Variants in IMPG1 observed in about 807,000 individuals in gnomAD.
IMPG1 encodes interphotoreceptor matrix proteoglycan of 150 kDa.
IMPG1 carries 85 observed loss-of-function variants against 92.0 expected under a neutral mutation model. The ratio of observed to expected loss-of-function variants is 0.92; its 90% CI spans 0.78 to 1.11. IMPG1 has a LOEUF of 1.11. Ranked by LOEUF, IMPG1 falls within the 50% of genes least tolerant of loss-of-function variation. The pLI is 0.00. For missense variants in IMPG1, 1,022 were observed against 956.0 expected, an observed-to-expected ratio of 1.07 and a Z score of -0.91; for synonymous variants, 367 against 334.1, an observed-to-expected ratio of 1.10 and a Z score of -1.08.
chr6:76,041,292 T>C (rs1783834410), intron 2 of IMPG1, among the ~76,000 whole-genome samples: 1 of 152,212 alleles, frequency 6.6e-6, no homozygotes, highest in Non-Finnish European at 1.5e-5. Flanking sequence ...GGGTAAAAAG[T>C]GGACTGTGAC....
intron 4 of IMPG1, among the ~76,000 whole-genome samples, chr6:76,029,376 A>G (rs1287947347): frequency 1.3e-5 from 2 of 152,274 alleles, no homozygotes; most frequent in Non-Finnish European, 2.9e-5. Context: ...CTTTATGCAA[A>G]TAATTAGGCC....
chr6:75,991,056 G>T (rs1782805596), intron 12 of IMPG1, among the ~76,000 whole-genome samples: 1 of 152,072 alleles, frequency 6.6e-6, no homozygotes, highest in Admixed American at 6.5e-5. Context: ...GTCTGTGGTT[G>T]GTTATTCTCT....
In IMPG1 at chr6:75,950,938, G is replaced by T; in HGVS notation, c.1448C>A (p.Thr483Asn). 1 of 1,613,992 alleles carries T rather than the reference G, an allele frequency of 6.2e-7. No homozygotes were observed. The highest frequency in any genetic ancestry group is 8.5e-7 in the Non-Finnish European group (1 of 1,179,958). ...TTGGCTGATTGCAGAATAATCACTG[G>T]TGGGGATGGTGAGCCCTGGTACTAG... The part of the protein sequence containing the change: ...TMLVPGLTIP[T>N]SDYSAISQLA... Residue 483 changes from threonine to asparagine, a missense_variant, in exon 13 of 17, where the codon ACC becomes AAC. By Grantham distance (65) the Thr-to-Asn change is moderately conservative. Transcript: ENST00000369950.
At chr6:76,029,929 G>A (rs1190965149) in intron 4 of IMPG1, among the ~76,000 whole-genome samples, 9 of 151,908 alleles carry the variant, frequency 5.9e-5, no homozygotes, top group South Asian at 4.2e-4. Context: ...GTAACCCCCC[G>A]AGACATATTT....
At chr6:75,986,058 A>G (rs1782712460) in intron 12 of IMPG1, among the ~76,000 whole-genome samples, 1 of 152,148 alleles carries the variant, frequency 6.6e-6, no homozygotes, top group South Asian at 2.1e-4. Flanking sequence ...ACAACAGCCT[A>G]TCCTTATTTA....
intron 12 of IMPG1, among the ~76,000 whole-genome samples, chr6:76,000,520 T>C (rs2149476108): frequency 6.6e-6 from 1 of 152,316 alleles, no homozygotes; most frequent in Admixed American, 6.5e-5. Flanking sequence ...AGGATTTTAA[T>C]AAGCAAAATT....
intron 12 of IMPG1, among the ~76,000 whole-genome samples, chr6:75,995,065 C>T (rs1782873890): frequency 6.6e-6 from 1 of 152,172 alleles, no homozygotes; most frequent in Non-Finnish European, 1.5e-5. Context: ...CCTGTACAGA[C>T]ATTATTCATC....
At chr6:76,029,103 G>A (rs796906831) in intron 4 of IMPG1, among the ~76,000 whole-genome samples, 31 of 152,292 alleles carry the variant, frequency 2.0e-4, no homozygotes, top group African/African-American at 7.0e-4. Flanking sequence ...TGGGGAAACT[G>A]GCCTAATACC....
chr6:76,063,063 G>C (rs1348730874), intron 1 of IMPG1, among the ~76,000 whole-genome samples: 4 of 151,896 alleles, frequency 2.6e-5, no homozygotes, highest in Admixed American at 6.6e-5. Context: ...AATTAGCCAG[G>C]CATGGTGGCA....
In IMPG1 at chr6:76,003,964, A is replaced by G. The variant is rs1451728639; in HGVS notation, c.1136-14T>C. The stretch of plus-strand genomic sequence containing the variant: ...ATCCAGCAATTTCTATGGGTAAAAA[A>G]TCACAAGATTTGAATGTATCTTTCC... On this transcript the variant is annotated splice_polypyrimidine_tract_variant and intron_variant, in intron 10 of 16. Transcript: ENST00000369950. 1.9e-6 allele frequency: 3 copies of G among 1,600,506 alleles called. No homozygotes were observed. Among genetic ancestry groups the G allele is most frequent in the East Asian group, 2.2e-5 (1 of 44,678 alleles).
At chr6:75,957,910 A>T (rs1241092063) in intron 12 of IMPG1, among the ~76,000 whole-genome samples, 1 of 152,292 alleles carries the variant, frequency 6.6e-6, no homozygotes, top group Admixed American at 6.5e-5. Context: ...TTTACATTTA[A>T]GGTTAATATT....
rs557803812 is a variant in IMPG1 at position 75,975,720 on chromosome 6, A to G, written c.1292-24626T>C. 9.8e-5 allele frequency among the ~76,000 whole-genome samples: 15 copies of G among 152,302 alleles called. 1 individual carries two copies. Among genetic ancestry groups the G allele is most frequent in the African/African-American group, 3.4e-4 (14 of 41,572 alleles). On this transcript the variant is annotated intron_variant, in intron 12 of 16. Coordinates refer to ENST00000369950, the MANE Select transcript of IMPG1 (RefSeq NM_001563.4). Reference sequence around the variant, plus strand: ...TTTGTATCACCATTCCTGATTGCTTATATCAGAAGTTGGCAAACTTTTTCT... The same window carrying G: ...TTTGTATCACCATTCCTGATTGCTTGTATCAGAAGTTGGCAAACTTTTTCT...
Position 76,060,253 on chromosome 6 carries a change from T to C in IMPG1, c.67+12169A>G, listed in dbSNP as rs114899612. On this transcript the variant is annotated intron_variant, in intron 1 of 16. Coordinates refer to ENST00000369950, the MANE Select transcript of IMPG1 (RefSeq NM_001563.4). ...ATGAGTGAATGTAAATGGGAAAATA[T>C]TTATTGACTGAATACAACCATATGC... is the stretch of plus-strand genomic sequence containing the variant. Among the ~76,000 whole-genome samples the C allele has an allele frequency of 6.8e-4, 103 of 152,302 alleles. 1 individual carries two copies. The highest frequency in any genetic ancestry group is 2.4e-3 in the African/African-American group (100 of 41,574).
At chr6:75,990,728 C>G (rs569151860) in intron 12 of IMPG1, among the ~76,000 whole-genome samples, 1 of 152,238 alleles carries the variant, frequency 6.6e-6, no homozygotes, top group Admixed American at 6.5e-5. Context: ...TGCTTAGTTG[C>G]CTGTGTAGAC....
intron 12 of IMPG1, 142 bp from the exon 13 acceptor site, chr6:75,951,236 TA>T (rs397800590): frequency 4.4e-5 from 28 of 632,060 alleles, no homozygotes; most frequent in Middle Eastern, 4.4e-4. Context: ...TTTTTTTTTT[TA>T]AAGAAGAGAA....
At chr6:76,016,114 G>A (rs1783283271) in intron 7 of IMPG1, among the ~76,000 whole-genome samples, 1 of 152,182 alleles carries the variant, frequency 6.6e-6, no homozygotes, top group Non-Finnish European at 1.5e-5. Context: ...ATTAAGAAAA[G>A]TGTTAGCTAT....
intron 1 of IMPG1, among the ~76,000 whole-genome samples, chr6:76,058,928 A>G (rs141343791): frequency 7.9e-4 from 121 of 152,304 alleles, no homozygotes; most frequent in African/African-American, 2.9e-3. Flanking sequence ...CAAGATTTCT[A>G]TTGTACCATC....
At chr6:76,011,099 T>C in intron 8 of IMPG1, 67 bp downstream of exon 8, 1 of 875,600 alleles carries the variant, frequency 1.1e-6, no homozygotes, top group South Asian at 1.5e-5. Flanking sequence ...CCTTATGGCA[T>C]TGTTTTTACA....
chr6:75,929,000 GTACTC>G lies in IMPG1; in HGVS notation c.2243+1948_2243+1952del, dbSNP rs138502220. ...CTGCCATGTTTCACAGTAATGTACT[GTACTC>G]TAACCATTTCCCTATTGATGGGCTA... is the stretch of plus-strand genomic sequence containing the variant. On this transcript the variant is annotated intron_variant, in intron 15 of 16. Coordinates refer to ENST00000369950, the MANE Select transcript of IMPG1 (RefSeq NM_001563.4). Among the ~76,000 whole-genome samples, 1,253 of 152,266 alleles carry G rather than the reference GTACTC, an allele frequency of 8.2e-3. 18 individuals are homozygous for G. The highest frequency in any genetic ancestry group is 0.028 in the African/African-American group (1,156 of 41,550).
Sources: gnomAD v4.1 joint callset for allele counts (sites outside exome capture counted in the v4.1 genomes callset) on GRCh38, gnomAD v4.1.1 for gene constraint, MANE v1.5 for transcripts, NCBI Gene and HGNC (gene_info 2026-07-23, HGNC 2026-07-21) for gene names.